The following CNTN1 variants were observed in gnomAD, a reference collection of about 807,000 sequenced individuals.
CNTN1 encodes the protein contactin 1, also known as contactin-1.
A neutral mutation model predicts 126.4 loss-of-function variants in CNTN1; 38 were observed. The observed-to-expected ratio is 0.30, with a 90% CI of 0.23 to 0.39. The LOEUF (loss-of-function observed/expected upper bound fraction) is 0.39, where lower values mean the gene tolerates loss of function less well. Ranked by LOEUF, CNTN1 falls within the 10% of genes least tolerant of loss-of-function variation. The pLI, the probability that CNTN1 is intolerant of heterozygous loss-of-function variation, is 1.00. For synonymous variants in CNTN1, 413 were observed against 422.6 expected (o/e 0.98, Z 0.28); for missense variants, 1,009 against 1,248.4 (o/e 0.81, Z 2.89).
intron 1 of CNTN1, among the ~76,000 whole-genome samples, chr12:40,864,015 T>G (rs1943209868): frequency 9.3e-6 from 1 of 107,236 alleles, no homozygotes; most frequent in African/African-American, 3.1e-5. Context: ...TTCTCTCTGC[T>G]TTCCTTTTTT....
At position 40,714,424 on chromosome 12, in the gene CNTN1, C is replaced by T. The variant is rs190724834; in HGVS notation, c.-77+21832C>T. On this transcript the variant is annotated intron_variant, in intron 1 of 23. Transcript: ENST00000551295. ...AAAATGTTGATTATTTGTGAAGTTA[C>T]GTTATCCATCTTTATTGGAAAATGA... Among the ~76,000 whole-genome samples the T allele has an allele frequency of 6.0e-3, 910 of 152,084 alleles. 38 individuals are homozygous for T. The highest frequency in any genetic ancestry group is 0.054 in the Admixed American group (828 of 15,252).
At chr12:40,888,320 A>G (rs892590451) in intron 1 of CNTN1, among the ~76,000 whole-genome samples, 1 of 152,122 alleles carries the variant, frequency 6.6e-6, no homozygotes, top group Non-Finnish European at 1.5e-5. Flanking sequence ...ATTTCCTTAT[A>G]CGTGTACTTT....
intron 1 of CNTN1, among the ~76,000 whole-genome samples, chr12:40,757,192 A>G (rs1938644769): frequency 6.6e-6 from 1 of 151,718 alleles, no homozygotes; most frequent in Non-Finnish European, 1.5e-5. Flanking sequence ...TGGGGGTTCT[A>G]CTCCTATGAT....
At chr12:40,693,912 C>T (rs1015435467) in intron 1 of CNTN1, among the ~76,000 whole-genome samples, 2 of 151,638 alleles carry the variant, frequency 1.3e-5, no homozygotes, top group Non-Finnish European at 3.0e-5. Flanking sequence ...TTCATGTTTT[C>T]AATATGTCAT....
At chr12:40,920,683 G>A (rs1945407866) in intron 4 of CNTN1, among the ~76,000 whole-genome samples, 1 of 152,072 alleles carries the variant, frequency 6.6e-6, no homozygotes, top group South Asian at 2.1e-4. Context: ...CTGGGACAAC[G>A]TGCTATTCAT....
chr12:40,810,833 T>G (rs1484544739), intron 1 of CNTN1, among the ~76,000 whole-genome samples: 1 of 152,024 alleles, frequency 6.6e-6, no homozygotes. Context: ...CTAGGCAACA[T>G]AGTAAGACCT....
chr12:41,013,012 C>T (rs1032007154), intron 17 of CNTN1, among the ~76,000 whole-genome samples: 1 of 152,090 alleles, frequency 6.6e-6, no homozygotes, highest in East Asian at 1.9e-4. Flanking sequence ...AAACAGCTCT[C>T]TTTCTGTAGA....
intron 5 of CNTN1, among the ~76,000 whole-genome samples, chr12:40,922,751 T>A (rs1945491986): frequency 6.6e-6 from 1 of 152,020 alleles, no homozygotes; most frequent in African/African-American, 2.4e-5. Flanking sequence ...GGCTGGTGGA[T>A]CATGAGGTCA....
chr12:40,727,222 A>G (rs1592018137), intron 1 of CNTN1, among the ~76,000 whole-genome samples: 1 of 96,034 alleles, frequency 1.0e-5, no homozygotes, highest in African/African-American at 3.7e-5. Context: ...AGATTGGGGC[A>G]AAAAAAAATT....
At chr12:40,918,885 T>G in intron 4 of CNTN1, 114 bp downstream of exon 4, 1 of 1,282,112 alleles carries the variant, frequency 7.8e-7, no homozygotes, top group Non-Finnish European at 1.1e-6. Context: ...CCATGGACAT[T>G]AACAAAAATA....
At chr12:40,896,472 C>G (rs1459104098) in intron 1 of CNTN1, among the ~76,000 whole-genome samples, 1 of 152,176 alleles carries the variant, frequency 6.6e-6, no homozygotes, top group Non-Finnish European at 1.5e-5. Context: ...TCACTTCTGA[C>G]TAGACTCACA....
chr12:40,831,051 A>C (rs1005177953), intron 1 of CNTN1, among the ~76,000 whole-genome samples: 10 of 141,444 alleles, frequency 7.1e-5, no homozygotes, highest in Non-Finnish European at 1.4e-4. Context: ...ATATACTATA[A>C]ATATATACAA....
At chr12:40,826,885 G>A (rs114580027) in intron 1 of CNTN1, among the ~76,000 whole-genome samples, 76 of 152,286 alleles carry the variant, frequency 5.0e-4, no homozygotes, top group African/African-American at 1.8e-3. Context: ...GTGCATGTAT[G>A]TGAGAGAGTG....
chr12:40,937,397 G>A (rs765429383), intron 10 of CNTN1, among the ~76,000 whole-genome samples, 173 bp from the exon 11 acceptor site: 4 of 152,120 alleles, frequency 2.6e-5, no homozygotes, highest in Admixed American at 2.0e-4. Context: ...TTTGGGCATG[G>A]TAAGTGGGTT....
chr12:41,060,731 A>G (rs1949922496), intron 23 of CNTN1, among the ~76,000 whole-genome samples: 1 of 152,164 alleles, frequency 6.6e-6, no homozygotes, highest in South Asian at 2.1e-4. Flanking sequence ...TATTTATAAA[A>G]TATTTTGTAT....
At chr12:41,045,186 G>C (rs2120984323) in intron 23 of CNTN1, among the ~76,000 whole-genome samples, 1 of 152,040 alleles carries the variant, frequency 6.6e-6, no homozygotes, top group South Asian at 2.1e-4. Context: ...CCAAATCATA[G>C]GATATTACTT....
intron 1 of CNTN1, among the ~76,000 whole-genome samples, chr12:40,739,970 A>G (rs561150470): frequency 6.6e-6 from 1 of 152,086 alleles, no homozygotes; most frequent in Non-Finnish European, 1.5e-5. Context: ...TACAGTGTAA[A>G]GAAATCTGAG....
intron 1 of CNTN1, among the ~76,000 whole-genome samples, chr12:40,812,460 G>C (rs1941099635): frequency 6.6e-6 from 1 of 152,028 alleles, no homozygotes; most frequent in South Asian, 2.1e-4. Flanking sequence ...TTTTCTTACT[G>C]ATTTTCTGTC....
chr12:40,759,588 C>T (rs955650807), intron 1 of CNTN1, among the ~76,000 whole-genome samples: 2 of 151,760 alleles, frequency 1.3e-5, no homozygotes, highest in African/African-American at 4.8e-5. Flanking sequence ...ACCTGAGCAT[C>T]CCAAGTAGCT....
Sources: gnomAD v4.1 joint callset for allele counts (sites outside exome capture counted in the v4.1 genomes callset) on GRCh38, gnomAD v4.1.1 for gene constraint, MANE v1.5 for transcripts, NCBI Gene and HGNC (gene_info 2026-07-23, HGNC 2026-07-21) for gene names.